PCDHGC3: variants seen among roughly 807,000 people sequenced by gnomAD.
PCDHGC3 encodes the protein protocadherin gamma subfamily C, 3.
A neutral mutation model predicts 59.2 loss-of-function variants in PCDHGC3; 26 were observed. The ratio of observed to expected loss-of-function variants is 0.44; its 90% CI spans 0.32 to 0.61. The LOEUF (loss-of-function observed/expected upper bound fraction) is 0.61. Among genes scored for constraint, PCDHGC3 ranks in the 20% least tolerant of loss-of-function variants. PCDHGC3 has a pLI of 0.05. For synonymous variants in PCDHGC3, 487 were observed against 519.7 expected (o/e 0.94, Z 0.86); for missense variants, 1,080 against 1,221.8 (o/e 0.88, Z 1.73).
At chr5:141,481,240 T>G (rs1323124277) in intron 1 of PCDHGC3, among the ~76,000 whole-genome samples, 1 of 152,208 alleles carries the variant, frequency 6.6e-6, no homozygotes, top group Non-Finnish European at 1.5e-5. Flanking sequence ...AAGTATTACA[T>G]AGCATAGCTC....
Position 141,485,616 on chromosome 5 carries a change from C to T in PCDHGC3, c.2430+7070C>T. On this transcript the variant is annotated intron_variant, in intron 1 of 3. Coordinates refer to ENST00000308177, the MANE Select transcript of PCDHGC3 (RefSeq NM_002588.4). This position sits in a 1 kb window ranked among gnomAD's most constrained non-coding sequence, Gnocchi z 5.7. ...TTGGAAATTGGGGAGGCAGCTCCTCCAGGACAGCGTTTCCCGTTGGAAAAG... is the reference window on the plus strand; with the variant it reads ...TTGGAAATTGGGGAGGCAGCTCCTCTAGGACAGCGTTTCCCGTTGGAAAAG... 1 of 1,612,210 alleles carries T rather than the reference C, an allele frequency of 6.2e-7. No individual in the cohort carries two copies.
In PCDHGC3 at chr5:141,511,335, A is replaced by T; in HGVS notation, c.*162A>T. 7.0e-7 allele frequency: 1 copy of T among 1,438,820 alleles called. No homozygotes were observed. The highest frequency in any genetic ancestry group is 9.2e-7 in the Non-Finnish European group (1 of 1,083,596). The allele number at this position is 1,438,820 out of a possible 1,614,324, so 89.1% of individuals were successfully genotyped here. A position where few individuals can be genotyped will look rare whatever the true frequency, so the allele number is the denominator to read the frequency against. On this transcript the variant is annotated 3_prime_UTR_variant, in exon 4 of 4. Coordinates refer to ENST00000308177, the MANE Select transcript of PCDHGC3 (RefSeq NM_002588.4). ...AAACAGAAACAAGTGCCCAGTCAGC[A>T]CCTACCCCTTCCCCCCCAGGGGGTT...
intron 1 of PCDHGC3, among the ~76,000 whole-genome samples, chr5:141,492,631 A>G (rs1203365582): frequency 6.6e-6 from 1 of 152,184 alleles, no homozygotes; most frequent in Non-Finnish European, 1.5e-5. Flanking sequence ...GCAGGACTCT[A>G]CGATCCTTGG....
chr5:141,491,528 C>T lies in PCDHGC3; in HGVS notation c.2431-3279C>T, dbSNP rs745806026. ...GGCACGCTCAAGTACATGGAGGTGACGCTGCGGCCCACAGACTCGCAGAGC... is the reference window on the plus strand; with the variant it reads ...GGCACGCTCAAGTACATGGAGGTGATGCTGCGGCCCACAGACTCGCAGAGC... On this transcript the variant is annotated intron_variant, in intron 1 of 3. Coordinates refer to ENST00000308177, the MANE Select transcript of PCDHGC3 (RefSeq NM_002588.4). The surrounding 1 kb of genome is among the most constrained non-coding windows in gnomAD (Gnocchi z 6.9). 4 of 1,613,950 alleles carry T rather than the reference C, an allele frequency of 2.5e-6. No individual in the cohort carries two copies. Among genetic ancestry groups the T allele is most frequent in the South Asian group, 1.1e-5 (1 of 91,092 alleles).
Position 141,493,689 on chromosome 5 carries a change from C to A in PCDHGC3, c.2431-1118C>A, listed in dbSNP as rs2099749557. The stretch of plus-strand genomic sequence containing the variant: ...GGCAGCCCCAGAATGGTGCTGGTGA[C>A]TCCCGATACACCTGGAATGCTAGGT... On this transcript the variant is annotated intron_variant, in intron 1 of 3. Transcript: ENST00000308177. The surrounding 1 kb of genome is among the most constrained non-coding windows in gnomAD (Gnocchi z 4.3). Among the ~76,000 whole-genome samples the A allele has an allele frequency of 6.6e-6, 1 of 152,218 alleles. No homozygotes were observed. The highest frequency in any genetic ancestry group is 2.4e-5 in the African/African-American group (1 of 41,450).
rs1175280816 is a variant in PCDHGC3 at position 141,511,121 on chromosome 5, C to T, written c.2753C>T (p.Pro918Leu). 2 of 1,614,102 alleles carry T rather than the reference C, an allele frequency of 1.2e-6. No homozygotes were observed. Among genetic ancestry groups the T allele is most frequent in the African/African-American group, 1.3e-5 (1 of 74,938 alleles). Residue 918 changes from proline (P) to leucine (L), a missense_variant, in exon 4 of 4, where the codon CCA becomes CTA. Transcript: ENST00000308177. ...GCTGGCAAGCGGGATGGCAAGGCCCCAGCAGGTGGCAATGGCAACAAGAAG... is the reference window on the plus strand; with the variant it reads ...GCTGGCAAGCGGGATGGCAAGGCCCTAGCAGGTGGCAATGGCAACAAGAAG... ...NAAGKRDGKA[P>L]AGGNGNKKKS...
intron 1 of PCDHGC3, among the ~76,000 whole-genome samples, chr5:141,481,730 G>C (rs778885944): frequency 6.6e-5 from 10 of 151,952 alleles, no homozygotes; most frequent in Non-Finnish European, 1.3e-4. Flanking sequence ...GAGGCGGGCG[G>C]ATCACGAGGT....
In PCDHGC3 at chr5:141,478,215, T is replaced by C. The variant is rs764444582; in HGVS notation, c.2099T>C (p.Leu700Pro). The C allele has an allele frequency of 6.8e-6, 11 of 1,614,118 alleles. No individual in the cohort carries two copies. The stretch of plus-strand genomic sequence containing the variant: ...TTTTATCTACTTCTTTCTCTAATCC[T>C]GGTTTCTGTGGGGTTTGTGGTCACA... ...LTFYLLLSLI[L>P]VSVGFVVTVF... is the part of the protein sequence containing the mutation. Residue 700 changes from leucine to proline, a missense_variant, in exon 1 of 4, where the codon CTG becomes CCG. Coordinates refer to ENST00000308177, the MANE Select transcript of PCDHGC3 (RefSeq NM_002588.4).
In PCDHGC3 at chr5:141,486,403, T is replaced by C; in HGVS notation, c.2430+7857T>C. ...GGAACCAGTTCTCCCTGGTGACTGC[T>C]GGACCCTTGGATCGAGAGGCCAAAT... On this transcript the variant is annotated intron_variant, in intron 1 of 3. Coordinates refer to ENST00000308177, the MANE Select transcript of PCDHGC3 (RefSeq NM_002588.4). This position sits in a 1 kb window ranked among gnomAD's most constrained non-coding sequence, Gnocchi z 5.0. The C allele has an allele frequency of 6.2e-7, 1 of 1,614,212 alleles. No individual in the cohort carries two copies. Among genetic ancestry groups the C allele is most frequent in the Non-Finnish European group, 8.5e-7 (1 of 1,180,034 alleles).
chr5:141,492,552 T>A (rs1444534113), intron 1 of PCDHGC3, among the ~76,000 whole-genome samples: 1 of 152,084 alleles, frequency 6.6e-6, no homozygotes, highest in African/African-American at 2.4e-5. Context: ...CCGGGTCGCC[T>A]GGGGGGCGGC....
chr5:141,496,021 G>C lies in PCDHGC3; in HGVS notation c.2489+1156G>C, dbSNP rs1011612662. Among the ~76,000 whole-genome samples, 3 of 151,454 alleles carry C rather than the reference G, an allele frequency of 2.0e-5. No individual in the cohort carries two copies. The East Asian group carries it at 5.8e-4, about 29-fold the overall frequency. ...CTTTTATCTTGTCTTTTTTCTCTGA[G>C]CCTCTGTCTCTGTCTCTCATTTTTT... On this transcript the variant is annotated intron_variant, in intron 2 of 3. Coordinates refer to ENST00000308177, the MANE Select transcript of PCDHGC3 (RefSeq NM_002588.4).
rs2099883887 is a variant in PCDHGC3, at chr5:141,511,641, ACC to A, written c.*469_*470del. 4.4e-6 allele frequency: 1 copy of A among 224,930 alleles called. No homozygotes were observed. Among genetic ancestry groups the A allele is most frequent in the Non-Finnish European group, 9.1e-6 (1 of 110,428 alleles). 13.9% of individuals were successfully genotyped at this position (224,930 alleles called of 1,614,324 possible). A position where few individuals can be genotyped will look rare whatever the true frequency, so the allele number is the denominator to read the frequency against. ...TCTGAAAAGTTGGAAGGGCATCATG[ACC>A]TCTTGGCCTCTCCTTTGATTCTCAA... On this transcript the variant is annotated 3_prime_UTR_variant, in exon 4 of 4. Coordinates refer to ENST00000308177, the MANE Select transcript of PCDHGC3 (RefSeq NM_002588.4).
intron 1 of PCDHGC3, among the ~76,000 whole-genome samples, chr5:141,488,190 G>A (rs1162264945): frequency 1.3e-5 from 2 of 152,164 alleles, no homozygotes; most frequent in African/African-American, 4.8e-5. Flanking sequence ...CTTTTGGTCT[G>A]GGTCTTAGGA....
intron 3 of PCDHGC3, 59 bp from the exon 4 acceptor site, chr5:141,510,888 A>C (rs2099883233): frequency 6.2e-7 from 1 of 1,612,646 alleles, no homozygotes. Flanking sequence ...GGGATATAAG[A>C]CAGTGACTGT....
intron 2 of PCDHGC3, among the ~76,000 whole-genome samples, chr5:141,503,351 C>T (rs1186394919): frequency 6.6e-6 from 1 of 151,994 alleles, no homozygotes; most frequent in Admixed American, 6.6e-5. Context: ...AATTCCAGCA[C>T]TTTGGGAAGC....
Position 141,476,242 on chromosome 5 carries a change from G to T in PCDHGC3, c.126G>T (p.Glu42Asp). ...ACTATGAGATCCCGGAGGAAAGAGA[G>T]AAGGGTTTCGCTGTGGGCAACGTGG... is the stretch of plus-strand genomic sequence containing the variant. ...VIHYEIPEER[E>D]KGFAVGNVVA... Residue 42 changes from glutamate (E) to aspartate (D), a missense_variant, in exon 1 of 4, where the codon GAG becomes GAT. Physicochemically the swap from Glu to Asp is conservative, Grantham distance 45 (BLOSUM62 2). Coordinates refer to ENST00000308177, the MANE Select transcript of PCDHGC3 (RefSeq NM_002588.4). The surrounding 1 kb of genome is among the most constrained non-coding windows in gnomAD (Gnocchi z 7.6). 6.2e-7 allele frequency: 1 copy of T among 1,614,100 alleles called. No individual in the cohort carries two copies.
intron 1 of PCDHGC3, 100 bp from the exon 2 acceptor site, chr5:141,494,707 G>A: frequency 2.5e-6 from 4 of 1,599,238 alleles, no homozygotes; most frequent in Non-Finnish European, 3.4e-6. Context: ...TCTTCTCTGT[G>A]CCCACTCCCC....
At chr5:141,506,252 C>T (rs1158047426) in intron 3 of PCDHGC3, among the ~76,000 whole-genome samples, 1 of 151,968 alleles carries the variant, frequency 6.6e-6, no homozygotes, top group African/African-American at 2.4e-5. Flanking sequence ...AGTTCGAAAC[C>T]GGCCTGGCCA....
chr5:141,500,277 C>T (rs1595660442), intron 2 of PCDHGC3, among the ~76,000 whole-genome samples: 1 of 151,718 alleles, frequency 6.6e-6, no homozygotes, highest in Non-Finnish European at 1.5e-5. Context: ...GGCGCAATCT[C>T]GGCTCACTGC....
Sources: allele counts gnomAD v4.1 joint callset (sites outside exome capture counted in the v4.1 genomes callset), GRCh38; gene constraint gnomAD v4.1.1; non-coding constraint Gnocchi (gnomAD v3.1); transcripts MANE v1.5; gene names NCBI Gene and HGNC (gene_info 2026-07-23, HGNC 2026-07-21).